SLC17A8: variants seen among roughly 807,000 people sequenced by gnomAD.
The protein encoded by SLC17A8 is vesicular glutamate transporter 3.
A neutral mutation model predicts 58.0 loss-of-function variants in SLC17A8; 31 were observed. The ratio of observed to expected loss-of-function variants is 0.53; its 90% CI spans 0.40 to 0.72. The LOEUF is 0.72. Ranked by LOEUF, SLC17A8 falls within the 30% of genes least tolerant of loss-of-function variation. The pLI is 0.00. For missense variants in SLC17A8, 655 were observed against 727.8 expected (o/e 0.90, Z 1.15); for synonymous variants, 228 against 249.0 (o/e 0.92, Z 0.79).
intron 10 of SLC17A8, among the ~76,000 whole-genome samples, chr12:100,414,659 G>C (rs1168738189): frequency 6.6e-6 from 1 of 152,174 alleles, no homozygotes; most frequent in Non-Finnish European, 1.5e-5. Context: ...TCCCCATAAA[G>C]TTTACATTCT....
intron 2 of SLC17A8, among the ~76,000 whole-genome samples, chr12:100,382,058 C>T (rs1952641649): frequency 6.6e-6 from 1 of 152,174 alleles, no homozygotes; most frequent in Admixed American, 6.5e-5. Flanking sequence ...ATGTTTTCTT[C>T]CCATCCAAGT....
At chr12:100,414,811 G>C (rs1952894771) in intron 10 of SLC17A8, among the ~76,000 whole-genome samples, 1 of 152,176 alleles carries the variant, frequency 6.6e-6, no homozygotes, top group South Asian at 2.1e-4. Flanking sequence ...CTCTCAAAGT[G>C]TTATGTGAAA....
At chr12:100,381,017 G>T in intron 2 of SLC17A8, 64 bp downstream of exon 2, 1 of 1,596,040 alleles carries the variant, frequency 6.3e-7, no homozygotes, top group Non-Finnish European at 8.6e-7. Context: ...GGTCTCCCAG[G>T]CTAGAGTACA....
At position 100,419,845 on chromosome 12, in the gene SLC17A8, A is replaced by G. The variant is rs1593010557; in HGVS notation, c.1456A>G (p.Ile486Val). ...TGAAGAATGGCAGAATGTGTTCCTC[A>G]TAGCTGCCCTGGTGCATTACAGTGG... ...TREEWQNVFL[I>V]AALVHYSGVI... is the part of the protein sequence containing the mutation. Residue 486 changes from isoleucine to valine, a missense_variant, in exon 12 of 12, where the codon ATA becomes GTA. Ile to Val is a conservative substitution (Grantham distance 29). Coordinates refer to ENST00000323346, the MANE Select transcript of SLC17A8 (RefSeq NM_139319.3). 3.1e-6 allele frequency: 5 copies of G among 1,613,842 alleles called. No homozygotes were observed. In the African/African-American group the frequency reaches 6.7e-5, roughly 22 times the overall value.
At chr12:100,365,535 GA>G (rs1167366829) in intron 1 of SLC17A8, among the ~76,000 whole-genome samples, 1 of 152,160 alleles carries the variant, frequency 6.6e-6, no homozygotes, top group Non-Finnish European at 1.5e-5. Context: ...AAGTGGGTTA[GA>G]ACAATATTCC....
In SLC17A8 at chr12:100,402,332, A is replaced by C. The variant is rs1345706158; in HGVS notation, c.764-8A>C. ...CATATAACCCAGCCTTTTCTTTTTT[A>C]ACTGCAGGCATGTTTGGGATTATTT... is the stretch of plus-strand genomic sequence containing the variant. On this transcript the variant is annotated splice_region_variant and splice_polypyrimidine_tract_variant and intron_variant, in intron 6 of 11. Coordinates refer to ENST00000323346, the MANE Select transcript of SLC17A8 (RefSeq NM_139319.3). 1.2e-6 allele frequency: 2 copies of C among 1,613,958 alleles called. No individual in the cohort carries two copies. Among genetic ancestry groups the C allele is most frequent in the Non-Finnish European group, 1.7e-6 (2 of 1,180,004 alleles).
chr12:100,394,584 G>C (rs553955281), intron 4 of SLC17A8, among the ~76,000 whole-genome samples: 1 of 150,510 alleles, frequency 6.6e-6, no homozygotes, highest in East Asian at 2.0e-4. Context: ...TGTATTTTTA[G>C]TAGAGATGGG....
chr12:100,366,292 C>T (rs988711249), intron 1 of SLC17A8, among the ~76,000 whole-genome samples: 9 of 152,048 alleles, frequency 5.9e-5, no homozygotes, highest in South Asian at 2.1e-4. Flanking sequence ...CCACGGAAAG[C>T]GTTTTCCAAA....
chr12:100,391,084 A>G lies in SLC17A8; in HGVS notation c.438A>G (p.Pro146=). The G allele has an allele frequency of 1.2e-6, 2 of 1,613,654 alleles. No individual in the cohort carries two copies. Among genetic ancestry groups the G allele is most frequent in the Non-Finnish European group, 1.7e-6 (2 of 1,179,638 alleles). Residue 146 remains proline, a synonymous_variant, in exon 3 of 12, where the codon CCA becomes CCG. Coordinates refer to ENST00000323346, the MANE Select transcript of SLC17A8 (RefSeq NM_139319.3). ...GGGGCTATATTATGACACAAATTCC[A>G]GGTGGTTTCATTTCAAACAAGTTTG... is the stretch of plus-strand genomic sequence containing the variant. The part of the protein sequence containing the change: ...FFWGYIMTQI[P]GGFISNKFAA...
chr12:100,374,484 C>A (rs1952580673), intron 1 of SLC17A8, among the ~76,000 whole-genome samples: 1 of 152,130 alleles, frequency 6.6e-6, no homozygotes, highest in Admixed American at 6.5e-5. Context: ...TGGTGGCCTA[C>A]GCCTGTAATC....
intron 9 of SLC17A8, among the ~76,000 whole-genome samples, chr12:100,411,766 A>G (rs1952869318): frequency 6.6e-6 from 1 of 151,156 alleles, no homozygotes; most frequent in Admixed American, 6.6e-5. Context: ...ATTGTGCTAG[A>G]CTCACTTATT....
chr12:100,392,732 AC>A (rs1231253317), intron 3 of SLC17A8, among the ~76,000 whole-genome samples: 1 of 152,188 alleles, frequency 6.6e-6, no homozygotes, highest in East Asian at 1.9e-4. Context: ...TTCCCAGGGC[AC>A]CCTGAGCTGG....
At chr12:100,373,096 C>A (rs913346425) in intron 1 of SLC17A8, among the ~76,000 whole-genome samples, 6 of 152,140 alleles carry the variant, frequency 3.9e-5, no homozygotes, top group Non-Finnish European at 5.9e-5. Flanking sequence ...TGCCTGAGAA[C>A]AGAGAGCAGG....
chr12:100,412,247 A>C (rs1382202583), intron 9 of SLC17A8, among the ~76,000 whole-genome samples: 5 of 152,178 alleles, frequency 3.3e-5, no homozygotes, highest in Admixed American at 3.3e-4. Flanking sequence ...GAATATTAGC[A>C]AAGTCATGTA....
chr12:100,359,733 G>A (rs376437563), intron 1 of SLC17A8, among the ~76,000 whole-genome samples: 1 of 152,154 alleles, frequency 6.6e-6, no homozygotes, highest in African/African-American at 2.4e-5. Flanking sequence ...GCTCTGCCAC[G>A]TGTTTGGCAT....
At chr12:100,407,586 A>AT (rs71088181) in intron 9 of SLC17A8, among the ~76,000 whole-genome samples, 12 of 146,488 alleles carry the variant, frequency 8.2e-5, no homozygotes, top group East Asian at 7.9e-4. Flanking sequence ...ATATATATAT[A>AT]TTTTTTTTGT....
chr12:100,398,996 ATTAAACCTC>A (rs1952771697), intron 5 of SLC17A8, among the ~76,000 whole-genome samples: 3 of 152,198 alleles, frequency 2.0e-5, no homozygotes, highest in African/African-American at 7.2e-5. Context: ...TGTGAGTCCA[ATTAAACCTC>A]TTTCTTTTGT....
chr12:100,384,554 A>AGAC (rs1952659726), intron 2 of SLC17A8, among the ~76,000 whole-genome samples: 1 of 152,174 alleles, frequency 6.6e-6, no homozygotes, highest in Non-Finnish European at 1.5e-5. Context: ...GAGATGTGTG[A>AGAC]GACTCCATCT....
At chr12:100,372,916 G>A (rs1952568206) in intron 1 of SLC17A8, among the ~76,000 whole-genome samples, 1 of 152,134 alleles carries the variant, frequency 6.6e-6, no homozygotes, top group African/African-American at 2.4e-5. Context: ...CTCTCACTTT[G>A]TGCTCCAAAT....
Sources: allele counts gnomAD v4.1 joint callset (sites outside exome capture counted in the v4.1 genomes callset), GRCh38; gene constraint gnomAD v4.1.1; transcripts MANE v1.5; gene names NCBI Gene and HGNC (gene_info 2026-07-23, HGNC 2026-07-21).